Variants in MICAL3 observed in about 807,000 individuals in gnomAD.
The protein encoded by MICAL3 is microtubule associated monooxygenase, calponin and LIM domain containing 3.
MICAL3 carries 62 observed loss-of-function variants against 207.4 expected under a neutral mutation model. The ratio of observed to expected loss-of-function variants is 0.30; its 90% CI spans 0.24 to 0.37. The LOEUF (loss-of-function observed/expected upper bound fraction) is 0.37. Ranked by LOEUF, MICAL3 falls within the 10% of genes least tolerant of loss-of-function variation. The pLI is 1.00. For synonymous variants in MICAL3, 1,077 were observed against 1,069.3 expected (o/e 1.01, Z -0.14); for missense variants, 2,368 against 2,635.6 (o/e 0.90, Z 2.22).
intron 1 of MICAL3, among the ~76,000 whole-genome samples, chr22:17,925,345 C>CAGTA (rs1184036192): frequency 2.0e-5 from 3 of 152,204 alleles, no homozygotes; most frequent in Non-Finnish European, 4.4e-5. Flanking sequence ...TTCTATACCA[C>CAGTA]TTGATTGCAG....
intron 3 of MICAL3, among the ~76,000 whole-genome samples, chr22:17,903,106 G>A (rs1337501703): frequency 2.0e-5 from 3 of 152,220 alleles, no homozygotes; most frequent in Non-Finnish European, 4.4e-5. Flanking sequence ...CTGCTAGGAG[G>A]CAGATGTGCA....
At chr22:17,810,568 T>C (rs1051695539) in intron 28 of MICAL3, 135 bp downstream of exon 28, 2 of 664,080 alleles carry the variant, frequency 3.0e-6, no homozygotes, top group Non-Finnish European at 2.6e-6. Context: ...AAAGGTGACC[T>C]GGGTGGCAGG....
intron 1 of MICAL3, among the ~76,000 whole-genome samples, chr22:18,008,447 T>C (rs1923539326): frequency 6.6e-6 from 1 of 152,132 alleles, no homozygotes. Flanking sequence ...ATCCTATCCA[T>C]TGGATGAGAG....
In MICAL3 at chr22:17,896,987, T is replaced by A; in HGVS notation, c.949-6A>T. The A allele has an allele frequency of 1.2e-6, 2 of 1,607,672 alleles. No homozygotes were observed. The highest frequency in any genetic ancestry group is 1.7e-4 in the Middle Eastern group (1 of 5,940). On this transcript the variant is annotated splice_region_variant and splice_polypyrimidine_tract_variant and intron_variant, in intron 7 of 31. Transcript: ENST00000441493. ...AGCTCTGTGTCGGCGTAGTCCTGTC[T>A]CCAGAGAAAGAGGAGGGTAGGGATG... is the stretch of plus-strand genomic sequence containing the variant.
chr22:17,950,867 A>G (rs947915117), intron 1 of MICAL3, among the ~76,000 whole-genome samples: 1 of 152,230 alleles, frequency 6.6e-6, no homozygotes, highest in Non-Finnish European at 1.5e-5. Flanking sequence ...GGCTAAAGCC[A>G]TGAACTCTGG....
chr22:17,807,067 C>T (rs192480021), intron 29 of MICAL3, among the ~76,000 whole-genome samples: 1 of 152,342 alleles, frequency 6.6e-6, no homozygotes, highest in East Asian at 1.9e-4. Context: ...TGTCTTCTTC[C>T]TGAAGGGCTT....
chr22:17,887,012 AAAAAG>A (rs1929970240), intron 15 of MICAL3, among the ~76,000 whole-genome samples, 153 bp downstream of exon 15: 1 of 147,920 alleles, frequency 6.8e-6, no homozygotes, highest in African/African-American at 2.5e-5. Flanking sequence ...AAAAAAAAAA[AAAAAG>A]AAAATAAAAA....
chr22:17,797,625 A>T (rs1226258787), intron 29 of MICAL3, among the ~76,000 whole-genome samples: 2 of 152,180 alleles, frequency 1.3e-5, no homozygotes, highest in Non-Finnish European at 2.9e-5. Context: ...TTCCGACTCA[A>T]TCATTCAATT....
chr22:17,864,683 C>G lies in MICAL3; in HGVS notation c.2605+216G>C, dbSNP rs1371881203. ...TGGGCCACAGCCTGCCAGTGGAACT[C>G]CCCTCTGATTTGCACCAGCACCTCC... On this transcript the variant is annotated intron_variant, in intron 19 of 31. Transcript: ENST00000441493. 1.9e-6 allele frequency: 3 copies of G among 1,610,082 alleles called. No individual in the cohort carries two copies. In the South Asian group the frequency reaches 3.3e-5, roughly 18 times the overall value.
chr22:17,956,384 G>A (rs1409865535), intron 1 of MICAL3, among the ~76,000 whole-genome samples: 1 of 152,178 alleles, frequency 6.6e-6, no homozygotes, highest in Non-Finnish European at 1.5e-5. Context: ...AGAAATCCAT[G>A]CACTACCGGC....
At chr22:17,881,363 C>T in intron 16 of MICAL3, 1 of 1,417,776 alleles carries the variant, frequency 7.1e-7, no homozygotes, top group South Asian at 1.2e-5. Flanking sequence ...CATGTGGAAG[C>T]TGGTTCTGGG....
chr22:18,004,993 G>A (rs1923292235), intron 1 of MICAL3: 2 of 151,710 alleles, frequency 1.3e-5, no homozygotes, highest in Non-Finnish European at 1.5e-5. Flanking sequence ...GAGTACAGTG[G>A]CGCAATCTCG....
intron 16 of MICAL3, among the ~76,000 whole-genome samples, chr22:17,874,662 C>T (rs1020390954): frequency 6.6e-6 from 1 of 152,206 alleles, no homozygotes; most frequent in African/African-American, 2.4e-5. Flanking sequence ...CTTCTCATCA[C>T]TCATAAAAAA....
chr22:17,829,125 G>T (rs184219196), intron 21 of MICAL3, among the ~76,000 whole-genome samples: 72 of 151,304 alleles, frequency 4.8e-4, no homozygotes, highest in Admixed American at 2.3e-3. Context: ...GATGTTGCTG[G>T]TCTCTATAGA....
chr22:17,942,177 T>C (rs763420378), intron 1 of MICAL3, among the ~76,000 whole-genome samples: 2 of 152,184 alleles, frequency 1.3e-5, no homozygotes, highest in Non-Finnish European at 2.9e-5. Flanking sequence ...TGGCTAAAGA[T>C]AGCCCGGTGA....
chr22:17,946,642 A>G (rs935041993), intron 1 of MICAL3, among the ~76,000 whole-genome samples: 1 of 152,194 alleles, frequency 6.6e-6, no homozygotes, highest in African/African-American at 2.4e-5. Flanking sequence ...AGGGGACACA[A>G]ATCCAAAACC....
chr22:17,968,307 T>A (rs1251970637), intron 1 of MICAL3, among the ~76,000 whole-genome samples: 1 of 152,160 alleles, frequency 6.6e-6, no homozygotes, highest in East Asian at 1.9e-4. Context: ...CCTAGCAACC[T>A]TGCCAGAGCT....
In MICAL3 at chr22:17,841,502, C is replaced by T. The variant is rs565616172; in HGVS notation, c.2801+320G>A. The T allele has an allele frequency of 2.3e-5, 12 of 515,404 alleles. No homozygotes were observed. Among genetic ancestry groups the T allele is most frequent in the South Asian group, 1.4e-4 (4 of 28,946 alleles). 31.9% of individuals were successfully genotyped at this position (515,404 alleles called of 1,614,324 possible). A position where few individuals can be genotyped will look rare whatever the true frequency, so the allele number is the denominator to read the frequency against. On this transcript the variant is annotated intron_variant, in intron 20 of 31. Transcript: ENST00000441493. The surrounding 1 kb of genome is among the most constrained non-coding windows in gnomAD (Gnocchi z 4.2). ...CACCCAGAGTCCCTCCCCGTGTGCC[C>T]GTCCTTCCCTCTGCTGAATCTGTGA...
At chr22:17,909,367 A>T (rs1018564901) in intron 1 of MICAL3, among the ~76,000 whole-genome samples, 11 of 152,196 alleles carry the variant, frequency 7.2e-5, no homozygotes, top group Admixed American at 6.5e-4. Context: ...CTACCAAAAA[A>T]TACAAAAATT....
Sources: allele counts gnomAD v4.1 joint callset (sites outside exome capture counted in the v4.1 genomes callset), GRCh38; gene constraint gnomAD v4.1.1; non-coding constraint Gnocchi (gnomAD v3.1); transcripts MANE v1.5; gene names NCBI Gene and HGNC (gene_info 2026-07-23, HGNC 2026-07-21).